ARNT2: variants seen among roughly 807,000 people sequenced by gnomAD.
ARNT2 encodes aryl hydrocarbon receptor nuclear translocator 2, also known as ARNT protein 2.
ARNT2 carries 36 observed loss-of-function variants against 91.7 expected under a neutral mutation model. The ratio of observed to expected loss-of-function variants is 0.39; its 90% CI spans 0.30 to 0.52. ARNT2 has a LOEUF of 0.52. Ranked by LOEUF, ARNT2 falls within the 20% of genes least tolerant of loss-of-function variation. The pLI, the probability that ARNT2 is intolerant of heterozygous loss-of-function variation, is 0.72. For missense variants in ARNT2, 775 were observed against 939.3 expected (o/e 0.83, Z 2.29); for synonymous variants, 365 against 347.1 (o/e 1.05, Z -0.57).
intron 3 of ARNT2, among the ~76,000 whole-genome samples, chr15:80,460,410 T>C (rs893902148): frequency 1.3e-5 from 2 of 152,208 alleles, no homozygotes; most frequent in Non-Finnish European, 2.9e-5. Flanking sequence ...AAGTAGTAGA[T>C]GTGAAGCTGC....
chr15:80,452,197 A>G (rs963276730), intron 2 of ARNT2, among the ~76,000 whole-genome samples: 11 of 152,326 alleles, frequency 7.2e-5, no homozygotes, highest in African/African-American at 2.4e-4. Flanking sequence ...TGAGATTTTT[A>G]TGATGAGGGA....
At chr15:80,551,647 T>G (rs770695746) in intron 9 of ARNT2, among the ~76,000 whole-genome samples, 2 of 152,172 alleles carry the variant, frequency 1.3e-5, no homozygotes, top group Non-Finnish European at 2.9e-5. Context: ...CTCTCTCACA[T>G]CTTATTCCCA....
intron 5 of ARNT2, among the ~76,000 whole-genome samples, chr15:80,483,906 T>C (rs1896927143): frequency 6.6e-6 from 1 of 152,212 alleles, no homozygotes; most frequent in Non-Finnish European, 1.5e-5. Flanking sequence ...AGCCATGTGG[T>C]TGAGTCCTTC....
chr15:80,543,089 C>T (rs1476261784), intron 8 of ARNT2, among the ~76,000 whole-genome samples: 1 of 129,908 alleles, frequency 7.7e-6, no homozygotes, highest in Non-Finnish European at 1.6e-5. Context: ...AGAGCCAGAC[C>T]CGGTCAAAAA....
intron 1 of ARNT2, among the ~76,000 whole-genome samples, chr15:80,434,787 A>G (rs1896062586): frequency 6.6e-6 from 1 of 152,102 alleles, no homozygotes; most frequent in African/African-American, 2.4e-5. Context: ...GGGGATGTCC[A>G]GGAGCAGGAT....
chr15:80,583,371 G>C (rs1391219021), intron 17 of ARNT2, among the ~76,000 whole-genome samples: 1 of 152,206 alleles, frequency 6.6e-6, no homozygotes, highest in Admixed American at 6.5e-5. Flanking sequence ...CCATGCCTCT[G>C]TCTAGTCTCC....
At chr15:80,449,059 A>G (rs7168908) in intron 1 of ARNT2, among the ~76,000 whole-genome samples, 92,976 of 152,116 alleles carry the variant, frequency 0.61, 28,685 homozygotes, top group East Asian at 0.76. Flanking sequence ...TGAGCAGGTG[A>G]TCCATTTTTA....
intron 1 of ARNT2, among the ~76,000 whole-genome samples, chr15:80,406,644 A>G (rs1567171723): frequency 6.6e-6 from 1 of 152,178 alleles, no homozygotes; most frequent in Non-Finnish European, 1.5e-5. Flanking sequence ...AAGCACAGGA[A>G]AGCCTGTGCC....
intron 14 of ARNT2, among the ~76,000 whole-genome samples, chr15:80,575,881 A>C (rs1349093748): frequency 2.6e-5 from 4 of 152,140 alleles, no homozygotes; most frequent in Admixed American, 2.0e-4. Flanking sequence ...TCACGCCTTG[A>C]GCCCTCCCTC....
intron 12 of ARNT2, among the ~76,000 whole-genome samples, chr15:80,572,952 TC>T (rs1205554222): frequency 6.6e-6 from 1 of 152,234 alleles, no homozygotes; most frequent in Non-Finnish European, 1.5e-5. Context: ...ACAAAGTCAC[TC>T]CTGATTACAG....
At chr15:80,581,140 C>A (rs1596024456) in intron 16 of ARNT2, 99 bp from the exon 17 acceptor site, 1 of 1,435,132 alleles carries the variant, frequency 7.0e-7, no homozygotes, top group East Asian at 2.3e-5. Context: ...ACTGTCAACC[C>A]AGAGCAGGCA....
chr15:80,452,494 C>T (rs1215720228), intron 2 of ARNT2, among the ~76,000 whole-genome samples: 1 of 152,226 alleles, frequency 6.6e-6, no homozygotes, highest in Non-Finnish European at 1.5e-5. Flanking sequence ...CTAAACTCAG[C>T]AGTTGCTAAA....
At chr15:80,466,678 C>G (rs1896659882) in intron 3 of ARNT2, among the ~76,000 whole-genome samples, 1 of 152,238 alleles carries the variant, frequency 6.6e-6, no homozygotes, top group African/African-American at 2.4e-5. Flanking sequence ...TTGATGAAGG[C>G]TTCAGAATGA....
intron 1 of ARNT2, among the ~76,000 whole-genome samples, chr15:80,443,743 AG>A (rs1357283675): frequency 1.3e-5 from 2 of 152,218 alleles, no homozygotes; most frequent in Admixed American, 1.3e-4. Context: ...GAGACAGAGC[AG>A]GGGGCCACAT....
intron 12 of ARNT2, among the ~76,000 whole-genome samples, chr15:80,563,577 C>T (rs1379405032): frequency 1.3e-5 from 2 of 152,208 alleles, no homozygotes; most frequent in Non-Finnish European, 2.9e-5. Context: ...CGCCTTGTTG[C>T]TCCCTGTTGC....
chr15:80,519,802 C>T (rs2141432629), intron 8 of ARNT2, among the ~76,000 whole-genome samples: 1 of 150,366 alleles, frequency 6.7e-6, no homozygotes, highest in East Asian at 2.0e-4. Context: ...TCTCCTGCCT[C>T]AGCCTCCGAG....
rs769820931 is a variant in ARNT2 at position 80,458,012 on chromosome 15, G to T, written c.194+36G>T. On this transcript the variant is annotated intron_variant, in intron 3 of 18. Coordinates refer to ENST00000303329, the MANE Select transcript of ARNT2 (RefSeq NM_014862.4). ...TTTATTTTCCTTAGACTTAAAGAAG[G>T]CAATAGCCAGCATTCACCTTAGAAA... 5 of 1,580,072 alleles carry T rather than the reference G, an allele frequency of 3.2e-6. No homozygotes were observed. The East Asian group carries it at 1.1e-4, about 35-fold the overall frequency.
chr15:80,552,143 A>T (rs1019025608), intron 9 of ARNT2, among the ~76,000 whole-genome samples: 1 of 152,192 alleles, frequency 6.6e-6, no homozygotes, highest in African/African-American at 2.4e-5. Context: ...TTTCAGACAA[A>T]TGAATAGGTA....
chr15:80,505,927 G>GTTTTTTTTTTTTTTTTTTT (rs1161520898), intron 5 of ARNT2, among the ~76,000 whole-genome samples: 10 of 88,942 alleles, frequency 1.1e-4, no homozygotes, highest in African/African-American at 1.7e-4. Context: ...AACATTTGTT[G>GTTTTTTTTTTTTTTTTTTT]TTTTTTTTTT....
Sources: allele counts gnomAD v4.1 joint callset (sites outside exome capture counted in the v4.1 genomes callset), GRCh38; gene constraint gnomAD v4.1.1; transcripts MANE v1.5; gene names NCBI Gene and HGNC (gene_info 2026-07-23, HGNC 2026-07-21).